The following TMEM132C variants were observed in gnomAD, a reference collection of about 807,000 sequenced individuals.
TMEM132C encodes the protein transmembrane protein 132C, also known as protein phosphatase 1, regulatory subunit 152.
A neutral mutation model predicts 61.4 loss-of-function variants in TMEM132C; 29 were observed. That is an observed-to-expected ratio of 0.47 (90% CI 0.35 to 0.64). The LOEUF is 0.64. Ranked by LOEUF, TMEM132C falls within the 30% of genes least tolerant of loss-of-function variation. The pLI, the probability that TMEM132C is intolerant of heterozygous loss-of-function variation, is 0.00. For missense variants in TMEM132C, 1,408 were observed against 1,476.9 expected (o/e 0.95, Z 0.76); for synonymous variants, 656 against 633.1 (o/e 1.04, Z -0.54).
intron 1 of TMEM132C, among the ~76,000 whole-genome samples, chr12:128,313,616 AG>A (rs1872049094): frequency 6.6e-6 from 1 of 152,200 alleles, no homozygotes; most frequent in Admixed American, 6.5e-5. Flanking sequence ...CTGCAGGACA[AG>A]GGTTTCTTTT....
chr12:128,537,374 C>T (rs1593091154), intron 2 of TMEM132C, among the ~76,000 whole-genome samples: 1 of 152,264 alleles, frequency 6.6e-6, no homozygotes, highest in Non-Finnish European at 1.5e-5. Context: ...CCTAATGGTG[C>T]TTAGGGAAGG....
At chr12:128,591,475 A>G (rs7952894) in intron 3 of TMEM132C, among the ~76,000 whole-genome samples, 16,114 of 152,098 alleles carry the variant, frequency 0.11, 1,437 homozygotes, top group African/African-American at 0.24. Context: ...GATAGACCAC[A>G]TTTTGTTCAA....
chr12:128,515,842 A>T (rs1872701507), intron 2 of TMEM132C, among the ~76,000 whole-genome samples: 1 of 152,220 alleles, frequency 6.6e-6, no homozygotes, highest in Non-Finnish European at 1.5e-5. Context: ...CTCAAAAAAA[A>T]AAAAAAGTAT....
At chr12:128,582,414 CTTTT>C (rs36054458) in intron 3 of TMEM132C, among the ~76,000 whole-genome samples, 42 of 132,474 alleles carry the variant, frequency 3.2e-4, no homozygotes, top group Non-Finnish European at 3.7e-4. Flanking sequence ...ATAGATGCTG[CTTTT>C]TTTTTTTTTT....
At chr12:128,296,116 T>A (rs1871406956) in intron 1 of TMEM132C, among the ~76,000 whole-genome samples, 1 of 152,194 alleles carries the variant, frequency 6.6e-6, no homozygotes, top group Admixed American at 6.5e-5. Flanking sequence ...TTTGTTGATT[T>A]GAGATGCAAA....
chr12:128,501,779 A>G (rs1449940153), intron 2 of TMEM132C, among the ~76,000 whole-genome samples: 5 of 152,246 alleles, frequency 3.3e-5, no homozygotes, highest in Non-Finnish European at 7.3e-5. Flanking sequence ...GCATCTATGT[A>G]TCCAGATGAA....
intron 4 of TMEM132C, among the ~76,000 whole-genome samples, chr12:128,626,872 C>T (rs1954022265): frequency 2.0e-5 from 3 of 152,204 alleles, no homozygotes; most frequent in Non-Finnish European, 4.4e-5. Context: ...CCACGACCCA[C>T]ACAGAGAAAT....
chr12:128,580,815 T>C (rs1282328352), intron 3 of TMEM132C, among the ~76,000 whole-genome samples: 1 of 152,180 alleles, frequency 6.6e-6, no homozygotes, highest in Non-Finnish European at 1.5e-5. Context: ...CATAGGCATC[T>C]GCATTTTCAC....
At chr12:128,567,988 A>G (rs1874759829) in intron 3 of TMEM132C, among the ~76,000 whole-genome samples, 2 of 152,138 alleles carry the variant, frequency 1.3e-5, no homozygotes, top group South Asian at 4.2e-4. Context: ...AAGTTACATG[A>G]CGCAGGAGCC....
At chr12:128,639,459 G>GGTCATC (rs1954139093) in intron 4 of TMEM132C, among the ~76,000 whole-genome samples, 1 of 152,126 alleles carries the variant, frequency 6.6e-6, no homozygotes, top group African/African-American at 2.4e-5. Context: ...TCATGGTCAT[G>GGTCATC]GTCATGGTAA....
At chr12:128,599,487 C>G (rs1876091733) in intron 3 of TMEM132C, among the ~76,000 whole-genome samples, 1 of 152,198 alleles carries the variant, frequency 6.6e-6, no homozygotes, top group Non-Finnish European at 1.5e-5. Flanking sequence ...AGACGGTTGC[C>G]TTGCTGCTGC....
chr12:128,705,518 A>G lies in TMEM132C; in HGVS notation c.2550A>G (p.Glu850=), dbSNP rs1350191536. 6 of 1,550,906 alleles carry G rather than the reference A, an allele frequency of 3.9e-6. No homozygotes were observed. In the Admixed American group the frequency reaches 1.2e-4, roughly 30 times the overall value. ...LYGSSPVERE[E]GALRRATTTA... Reference sequence around the variant, plus strand: ...GCAGCTCTCCCGTGGAGCGTGAGGAAGGGGCTCTCCGAAGAGCCACTACCA... The same window carrying G: ...GCAGCTCTCCCGTGGAGCGTGAGGAGGGGGCTCTCCGAAGAGCCACTACCA... The change falls in exon 9 of 9, where the codon GAA becomes GAG. Residue 850 remains glutamate, a synonymous_variant. Coordinates refer to ENST00000435159, the MANE Select transcript of TMEM132C (RefSeq NM_001136103.3).
chr12:128,287,137 G>C (rs186335720), intron 1 of TMEM132C, among the ~76,000 whole-genome samples: 15 of 152,248 alleles, frequency 9.9e-5, no homozygotes, highest in African/African-American at 3.1e-4. Flanking sequence ...TTGCTGGGGT[G>C]GGGGAGTGTC....
intron 2 of TMEM132C, among the ~76,000 whole-genome samples, chr12:128,485,146 G>T (rs1593070063): frequency 1.3e-5 from 2 of 152,274 alleles, no homozygotes; most frequent in South Asian, 4.1e-4. Context: ...AGGGACTCAG[G>T]CTTCAAGAGC....
chr12:128,298,440 T>C (rs12317664), intron 1 of TMEM132C, among the ~76,000 whole-genome samples: 63,971 of 151,928 alleles, frequency 0.42, 13,660 homozygotes, highest in Non-Finnish European at 0.45. Flanking sequence ...AAATAGAGAC[T>C]CACAGGAAGT....
intron 2 of TMEM132C, among the ~76,000 whole-genome samples, chr12:128,448,347 G>T (rs972913214): frequency 6.6e-6 from 1 of 152,152 alleles, no homozygotes; most frequent in South Asian, 2.1e-4. Flanking sequence ...GCTGTGCTCC[G>T]CTGGGCAGGT....
At chr12:128,387,448 T>C (rs1874622831) in intron 1 of TMEM132C, among the ~76,000 whole-genome samples, 1 of 152,148 alleles carries the variant, frequency 6.6e-6, no homozygotes. Flanking sequence ...AGGCTTTGAG[T>C]AACTGAGTTC....
chr12:128,293,257 G>A (rs1871304427), intron 1 of TMEM132C, among the ~76,000 whole-genome samples: 1 of 152,092 alleles, frequency 6.6e-6, no homozygotes, highest in Non-Finnish European at 1.5e-5. Context: ...ATCTCAGGGG[G>A]CCGTTTCATT....
At chr12:128,338,660 T>C (rs539119696) in intron 1 of TMEM132C, among the ~76,000 whole-genome samples, 17 of 151,982 alleles carry the variant, frequency 1.1e-4, no homozygotes, top group African/African-American at 4.1e-4. Context: ...CTCCCACTCC[T>C]TTCTAAGCTT....
Sources: allele counts gnomAD v4.1 joint callset (sites outside exome capture counted in the v4.1 genomes callset), GRCh38; gene constraint gnomAD v4.1.1; transcripts MANE v1.5; gene names NCBI Gene and HGNC (gene_info 2026-07-23, HGNC 2026-07-21).